Variants in SCN1B observed in about 807,000 individuals in gnomAD.
The protein encoded by SCN1B is sodium channel regulatory subunit beta-1.
SCN1B carries 11 observed loss-of-function variants against 25.7 expected under a neutral mutation model. The ratio of observed to expected loss-of-function variants is 0.43; its 90% CI spans 0.27 to 0.71. The LOEUF is 0.71. Among genes scored for constraint, SCN1B ranks in the 30% least tolerant of loss-of-function variants. SCN1B has a pLI of 0.21. For missense variants in SCN1B, 224 were observed against 291.5 expected (o/e 0.77, Z 1.69); for synonymous variants, 119 against 117.5 (o/e 1.01, Z -0.08).
chr19:35,030,774 T>G lies in SCN1B; in HGVS notation c.-47T>G. The G allele has an allele frequency of 1.3e-6, 1 of 771,920 alleles. No individual in the cohort carries two copies. The highest frequency in any genetic ancestry group is 1.8e-6 in the Non-Finnish European group (1 of 553,342). 47.8% of individuals were successfully genotyped at this position (771,920 alleles called of 1,614,324 possible). The stretch of plus-strand genomic sequence containing the variant: ...GGTCCCGCCGCCTCTCGCCCCGCTA[T>G]TAATACCGGCGGCCCGGGAGGGGGG... On this transcript the variant is annotated 5_prime_UTR_variant, in exon 1 of 6. Coordinates refer to ENST00000262631, the MANE Select transcript of SCN1B (RefSeq NM_001037.5).
Position 35,032,428 on chromosome 19 carries a change from G to T in SCN1B, c.41-100G>T. 2 of 1,410,652 alleles carry T rather than the reference G, an allele frequency of 1.4e-6. No homozygotes were observed. The highest frequency in any genetic ancestry group is 2.0e-6 in the Non-Finnish European group (2 of 1,009,834). The allele number at this position is 1,410,652 out of a possible 1,614,324, so 87.4% of individuals were successfully genotyped here. On this transcript the variant is annotated intron_variant, in intron 1 of 5. Coordinates refer to ENST00000262631, the MANE Select transcript of SCN1B (RefSeq NM_001037.5). This position sits in a 1 kb window ranked among gnomAD's most constrained non-coding sequence, Gnocchi z 4.3. ...CTCAGCCTAGCATCCAGTCCTGTCT[G>T]CTGGTAATCATTGAGGGGGGAACAG...
In SCN1B at chr19:35,032,589, G is replaced by T; in HGVS notation, c.102G>T (p.Met34Ile). ...CGGAGACCGAGGCCGTGTATGGGAT[G>T]ACCTTCAAAATTCTTTGCATCTCCT... ...VDSETEAVYG[M>I]TFKILCISCK... The change falls in exon 2 of 6, where the codon ATG becomes ATT. Residue 34 changes from methionine (M) to isoleucine (I), a missense_variant. Physicochemically the swap from Met to Ile is conservative, Grantham distance 10. Transcript: ENST00000262631. This position sits in a 1 kb window ranked among gnomAD's most constrained non-coding sequence, Gnocchi z 4.3. 6.2e-7 allele frequency: 1 copy of T among 1,614,162 alleles called. No homozygotes were observed. Among genetic ancestry groups the T allele is most frequent in the South Asian group, 1.1e-5 (1 of 91,080 alleles).
At chr19:35,030,899 C>CG in intron 1 of SCN1B, 39 bp downstream of exon 1, 4 of 405,786 alleles carry the variant, frequency 9.9e-6, no homozygotes, top group Non-Finnish European at 1.1e-5. Flanking sequence ...GGGGGCACCG[C>CG]GGGGGCACTG....
At position 35,033,547 on chromosome 19, in the gene SCN1B, T is replaced by C. The variant is rs1600364421; in HGVS notation, c.256T>C (p.Phe86Leu). The C allele has an allele frequency of 4.3e-6, 7 of 1,613,908 alleles. No individual in the cohort carries two copies. The highest frequency in any genetic ancestry group is 5.9e-6 in the Non-Finnish European group (7 of 1,179,916). ...EVLQLEEDER[F>L]EGRVVWNGSR... ...GTTGCAGCTGGAGGAGGATGAGCGC[T>C]TCGAGGGCCGCGTGGTGTGGAATGG... is the stretch of plus-strand genomic sequence containing the variant. The change falls in exon 3 of 6, where the codon TTC becomes CTC. Residue 86 changes from phenylalanine to leucine, a missense_variant. Around this residue, in one of 3 missense-constraint regions of SCN1B, gnomAD observed 126 missense variants for 204.9 expected, o/e 0.61. Transcript: ENST00000262631.
At chr19:35,038,942 C>A in intron 3 of SCN1B, 175 bp from the exon 4 acceptor site, 1 of 720,744 alleles carries the variant, frequency 1.4e-6, no homozygotes, top group Non-Finnish European at 2.5e-6. Flanking sequence ...CACAGGGAGG[C>A]AGGTTGAGGG....
intron 3 of SCN1B, chr19:35,034,243 C>A: frequency 7.1e-7 from 1 of 1,404,498 alleles, no homozygotes; most frequent in Non-Finnish European, 9.6e-7. Flanking sequence ...GGTGATGAGG[C>A]AAGAGAGCGT....
chr19:35,036,266 C>A lies in SCN1B; in HGVS notation c.448+2527C>A, dbSNP rs2064247198. Reference sequence around the variant, plus strand: ...CCCACCATGCTATGCTATAGTATTTCAAAAATTAATCCTATTGTAGCATGT... The same window carrying A: ...CCCACCATGCTATGCTATAGTATTTAAAAAATTAATCCTATTGTAGCATGT... On this transcript the variant is annotated intron_variant, in intron 3 of 5. Transcript: ENST00000262631. 2.0e-5 allele frequency: 3 copies of A among 152,062 alleles called. No individual in the cohort carries two copies. The South Asian group carries it at 6.2e-4, about 32-fold the overall frequency. 9.4% of individuals were successfully genotyped at this position (152,062 alleles called of 1,614,324 possible).
In SCN1B at chr19:35,030,767, C is replaced by T; in HGVS notation, c.-54C>T. The T allele has an allele frequency of 1.5e-6, 1 of 667,598 alleles. No homozygotes were observed. The highest frequency in any genetic ancestry group is 2.0e-5 in the South Asian group (1 of 50,504). 41.4% of individuals were successfully genotyped at this position (667,598 alleles called of 1,614,324 possible). ...GCCGCCAGGTCCCGCCGCCTCTCGC[C>T]CCGCTATTAATACCGGCGGCCCGGG... is the stretch of plus-strand genomic sequence containing the variant. On this transcript the variant is annotated 5_prime_UTR_variant, in exon 1 of 6. Transcript: ENST00000262631.
chr19:35,034,494 C>T lies in SCN1B; in HGVS notation c.448+755C>T, dbSNP rs796936623. ...CTGGACCCCTTTTCTGAGGGAGGTC[C>T]GCCCCTTCTCTGATCCATCTTCTGC... is the stretch of plus-strand genomic sequence containing the variant. On this transcript the variant is annotated intron_variant, in intron 3 of 5. Coordinates refer to ENST00000262631, the MANE Select transcript of SCN1B (RefSeq NM_001037.5). The T allele has an allele frequency of 1.5e-4, 37 of 241,230 alleles. 1 individual carries two copies. Among genetic ancestry groups the T allele is most frequent in the African/African-American group, 7.0e-4 (31 of 44,536 alleles). 14.9% of individuals were successfully genotyped at this position (241,230 alleles called of 1,614,324 possible).
At chr19:35,038,908 TGACACAGATGTG>T (rs1237709815) in intron 3 of SCN1B, 197 bp from the exon 4 acceptor site, 9 of 617,842 alleles carry the variant, frequency 1.5e-5, no homozygotes, top group Middle Eastern at 4.5e-4. Flanking sequence ...GCCTCCAGAA[TGACACAGATGTG>T]GCCTCGAGTT....
intron 4 of SCN1B, 101 bp from the exon 5 acceptor site, chr19:35,039,534 G>A: frequency 1.7e-6 from 2 of 1,203,968 alleles, no homozygotes; most frequent in Non-Finnish European, 2.5e-6. Context: ...TAACTAAGGA[G>A]CCCTGTGTAC....
At position 35,032,926 on chromosome 19, in the gene SCN1B, A is replaced by T. The variant is rs1289571573; in HGVS notation, c.207+232A>T. ...ACGGGGTGGCGGTGGTCTCTAGCCCATAGGTTTGTGTGAGGACTGAATGCA... is the reference window on the plus strand; with the variant it reads ...ACGGGGTGGCGGTGGTCTCTAGCCCTTAGGTTTGTGTGAGGACTGAATGCA... On this transcript the variant is annotated intron_variant, in intron 2 of 5. Transcript: ENST00000262631. This position sits in a 1 kb window ranked among gnomAD's most constrained non-coding sequence, Gnocchi z 4.3. 6.6e-6 allele frequency among the ~76,000 whole-genome samples: 1 copy of T among 152,178 alleles called. No individual in the cohort carries two copies. Among genetic ancestry groups the T allele is most frequent in the Non-Finnish European group, 1.5e-5 (1 of 68,034 alleles).
intron 3 of SCN1B, 180 bp from the exon 4 acceptor site, chr19:35,038,937 G>A: frequency 1.4e-6 from 1 of 704,008 alleles, no homozygotes; most frequent in Non-Finnish European, 2.5e-6. Context: ...AGTTACACAG[G>A]GAGGCAGGTT....
chr19:35,033,014 A>G (rs1186876960), intron 2 of SCN1B, among the ~76,000 whole-genome samples: 1 of 152,220 alleles, frequency 6.6e-6, no homozygotes, highest in Non-Finnish European at 1.5e-5. Flanking sequence ...GGCACCAGCA[A>G]ACAATGTCTC....
chr19:35,039,237 A>C lies in SCN1B; in HGVS notation c.569A>C (p.Glu190Ala). 6.2e-7 allele frequency: 1 copy of C among 1,613,798 alleles called. No homozygotes were observed. The highest frequency in any genetic ancestry group is 8.5e-7 in the Non-Finnish European group (1 of 1,180,024). The change falls in exon 4 of 6, where the codon GAG (glutamate) becomes GCG (alanine). Residue 190 changes from glutamate to alanine, a missense_variant. Around this residue, in one of 3 missense-constraint regions of SCN1B, gnomAD observed 52 missense variants for 50.8 expected, o/e 1.02. Coordinates refer to ENST00000262631, the MANE Select transcript of SCN1B (RefSeq NM_001037.5). ...YCYKKIAAAT[E>A]TAAQENASEY... is the part of the protein sequence containing the mutation. ...TACAAGAAGATCGCTGCCGCCACGG[A>C]GACTGCTGCACAGGAGAATGCGTGA...
At chr19:35,038,435 T>G (rs181698456) in intron 3 of SCN1B, 1 of 158,258 alleles carries the variant, frequency 6.3e-6, no homozygotes, top group Non-Finnish European at 1.4e-5. Context: ...CATCCAAGCA[T>G]GTTACGGGTG....
Position 35,032,730 on chromosome 19 carries a change from G to T in SCN1B, c.207+36G>T. ...GCCGGGAACGGGCATGGGAGGGCAGGGGTCCACGAGTGGGAGGCGGTGGGG... is the reference window on the plus strand; with the variant it reads ...GCCGGGAACGGGCATGGGAGGGCAGTGGTCCACGAGTGGGAGGCGGTGGGG... On this transcript the variant is annotated intron_variant, in intron 2 of 5. Transcript: ENST00000262631. The surrounding 1 kb of genome is among the most constrained non-coding windows in gnomAD (Gnocchi z 4.3). The T allele has an allele frequency of 6.2e-7, 1 of 1,609,540 alleles. No individual in the cohort carries two copies.
chr19:35,033,788 G>C lies in SCN1B; in HGVS notation c.448+49G>C, dbSNP rs1460390343. ...TTTACCGTCACCCACCGGAGAGCCA[G>C]ATGGAGGGACAGATGGCAGGCAGTG... is the stretch of plus-strand genomic sequence containing the variant. On this transcript the variant is annotated intron_variant, in intron 3 of 5. Transcript: ENST00000262631. The C allele has an allele frequency of 1.9e-6, 3 of 1,613,562 alleles. No individual in the cohort carries two copies. The highest frequency in any genetic ancestry group is 1.7e-5 in the Admixed American group (1 of 60,014).
Position 35,039,788 on chromosome 19 carries a change from C to A in SCN1B, c.*6-9C>A. Reference sequence around the variant, plus strand: ...GGTCCCTAATTCCCCCTCTCTTGCTCCCCTTCAGGCCCTGGGCCCCGCCTC... The same window carrying A: ...GGTCCCTAATTCCCCCTCTCTTGCTACCCTTCAGGCCCTGGGCCCCGCCTC... On this transcript the variant is annotated splice_polypyrimidine_tract_variant and intron_variant, in intron 5 of 5. Coordinates refer to ENST00000262631, the MANE Select transcript of SCN1B (RefSeq NM_001037.5). 2 of 1,363,758 alleles carry A rather than the reference C, an allele frequency of 1.5e-6. No homozygotes were observed. The allele number at this position is 1,363,758 out of a possible 1,614,324, so 84.5% of individuals were successfully genotyped here. A position where few individuals can be genotyped will look rare whatever the true frequency, so the allele number is the denominator to read the frequency against.
Sources: gnomAD v4.1 joint callset for allele counts (sites outside exome capture counted in the v4.1 genomes callset) on GRCh38, gnomAD v4.1.1 for gene constraint, gnomAD v4.1.1 regional missense constraint, Gnocchi (gnomAD v3.1) non-coding constraint, MANE v1.5 for transcripts, NCBI Gene and HGNC (gene_info 2026-07-23, HGNC 2026-07-21) for gene names.